MAD1L1: variants seen among roughly 807,000 people sequenced by gnomAD.
MAD1L1 encodes mitotic spindle assembly checkpoint protein MAD1.
Under a neutral mutation model 96.9 loss-of-function variants are expected in MAD1L1, and 95 were observed. The observed-to-expected ratio is 0.98, with a 90% confidence interval of 0.83 to 1.16. The LOEUF is 1.16. Ranked by LOEUF, MAD1L1 falls within the 50% of genes most tolerant of loss-of-function variation. The pLI is 0.00. For synonymous variants in MAD1L1, 473 were observed against 396.6 expected (o/e 1.19, Z -2.29); for missense variants, 1,007 against 954.4 (o/e 1.06, Z -0.73).
At chr7:1,868,925 G>A (rs975262144) in intron 18 of MAD1L1, among the ~76,000 whole-genome samples, 2 of 152,188 alleles carry the variant, frequency 1.3e-5, no homozygotes, top group Non-Finnish European at 1.5e-5. Context: ...GAGCACGGAA[G>A]CGCCGCCTCA....
At chr7:2,094,025 G>A (rs571599564) in intron 11 of MAD1L1, among the ~76,000 whole-genome samples, 7 of 152,204 alleles carry the variant, frequency 4.6e-5, no homozygotes, top group African/African-American at 9.7e-5. Flanking sequence ...GCAGACGGTC[G>A]TCTGTGCAGC....
At chr7:1,936,277 C>T (rs564069861) in intron 17 of MAD1L1, among the ~76,000 whole-genome samples, 35 of 152,360 alleles carry the variant, frequency 2.3e-4, no homozygotes, top group African/African-American at 7.5e-4. Context: ...TTCCCTGGGA[C>T]GCCACAGGCC....
intron 18 of MAD1L1, among the ~76,000 whole-genome samples, chr7:1,833,673 G>T (rs1228896316): frequency 2.0e-5 from 3 of 152,258 alleles, no homozygotes; most frequent in Non-Finnish European, 1.5e-5. Context: ...AGATGCAGTG[G>T]CTCACGCCTG....
At chr7:1,908,768 A>C (rs1443348094) in intron 17 of MAD1L1, among the ~76,000 whole-genome samples, 1 of 151,230 alleles carries the variant, frequency 6.6e-6, no homozygotes, top group Admixed American at 6.6e-5. Context: ...ACTGGTTCTC[A>C]CTCCCCGGAA....
chr7:2,038,080 C>CTTTTTTTTTTTTTTTT (rs1783518286), intron 12 of MAD1L1, among the ~76,000 whole-genome samples: 1 of 152,158 alleles, frequency 6.6e-6, no homozygotes, highest in African/African-American at 2.4e-5. Flanking sequence ...GTGAAACTGT[C>CTTTTTTTTTTTTTTTT]TTATTGCTGA....
intron 5 of MAD1L1, among the ~76,000 whole-genome samples, chr7:2,220,108 C>G (rs1050067244): frequency 6.6e-6 from 1 of 152,230 alleles, no homozygotes; most frequent in Non-Finnish European, 1.5e-5. Flanking sequence ...CTAGCGACAT[C>G]GCCCTCACAC....
chr7:1,974,091 G>A (rs989104997), intron 15 of MAD1L1, among the ~76,000 whole-genome samples: 9 of 152,228 alleles, frequency 5.9e-5, no homozygotes, highest in Non-Finnish European at 1.3e-4. Context: ...CAGGCCCTTA[G>A]GTAAGGCACG....
At chr7:1,859,005 G>A (rs1429580897) in intron 18 of MAD1L1, among the ~76,000 whole-genome samples, 3 of 152,212 alleles carry the variant, frequency 2.0e-5, no homozygotes, top group East Asian at 1.9e-4. Flanking sequence ...GGCGTCCCCC[G>A]ACTCGGCCTG....
intron 12 of MAD1L1, among the ~76,000 whole-genome samples, chr7:2,059,825 C>T (rs1057150926): frequency 3.3e-5 from 5 of 151,992 alleles, no homozygotes; most frequent in Non-Finnish European, 7.4e-5. Flanking sequence ...GTGCAGGACC[C>T]AATGGTACAT....
At chr7:2,036,476 T>G (rs1462883630) in intron 12 of MAD1L1, among the ~76,000 whole-genome samples, 2 of 152,210 alleles carry the variant, frequency 1.3e-5, no homozygotes, top group African/African-American at 4.8e-5. Context: ...CTGGATGAAG[T>G]GTCTAGTCTG....
At chr7:1,940,888 C>T (rs954674109) in intron 16 of MAD1L1, among the ~76,000 whole-genome samples, 28 of 150,906 alleles carry the variant, frequency 1.9e-4, no homozygotes, top group South Asian at 8.3e-4. Context: ...GGCCGCACAG[C>T]GTGTACTCAG....
intron 18 of MAD1L1, among the ~76,000 whole-genome samples, chr7:1,816,458 G>C (rs1442790616): frequency 1.3e-5 from 2 of 152,180 alleles, no homozygotes; most frequent in Non-Finnish European, 2.9e-5. Flanking sequence ...TACCCAGGCA[G>C]TTGGGGGTCC....
intron 14 of MAD1L1, among the ~76,000 whole-genome samples, chr7:1,994,614 G>A (rs1781479243): frequency 6.6e-6 from 1 of 152,124 alleles, no homozygotes; most frequent in Admixed American, 6.5e-5. Flanking sequence ...GAAATCCTAG[G>A]AGGGAGCCCG....
chr7:1,834,867 A>G (rs1432958913), intron 18 of MAD1L1, among the ~76,000 whole-genome samples: 1 of 152,066 alleles, frequency 6.6e-6, no homozygotes, highest in Non-Finnish European at 1.5e-5. Flanking sequence ...CACCCCCCCA[A>G]AACTATGGAA....
intron 3 of MAD1L1, among the ~76,000 whole-genome samples, chr7:2,228,079 C>G (rs189369044): frequency 2.6e-5 from 4 of 152,238 alleles, no homozygotes; most frequent in East Asian, 1.9e-4. Flanking sequence ...GGCCAGGGAC[C>G]AAGGCTGGTC....
At chr7:1,929,457 C>T (rs1789301320) in intron 17 of MAD1L1, among the ~76,000 whole-genome samples, 1 of 152,188 alleles carries the variant, frequency 6.6e-6, no homozygotes, top group East Asian at 1.9e-4. Context: ...GGCTTTGGGG[C>T]TCCTATCCGC....
chr7:1,956,293 T>G (rs1358456011), intron 16 of MAD1L1, among the ~76,000 whole-genome samples: 1 of 152,086 alleles, frequency 6.6e-6, no homozygotes, highest in African/African-American at 2.4e-5. Flanking sequence ...GCTGGAGGGC[T>G]GTCTGGAAGT....
rs1210928718 is a variant in MAD1L1 at position 1,980,528 on chromosome 7, A to C, written c.1430T>G (p.Leu477Arg). The change falls in exon 15 of 19, where the codon CTG (leucine) becomes CGG (arginine). Residue 477 changes from leucine to arginine, a missense_variant. By Grantham distance (102) the Leu-to-Arg change is moderately radical. Transcript: ENST00000265854. Reference sequence around the variant, plus strand: ...GCTGGACTGAGACTTCAGCATCTTCAGCTCCATCTCCAGCTAGGAGAAAGC... The same window carrying C: ...GCTGGACTGAGACTTCAGCATCTTCCGCTCCATCTCCAGCTAGGAGAAAGC... Reference protein sequence around the residue: ...KQRADMLEMELKMLKSQSSSA... With the variant: ...KQRADMLEMERKMLKSQSSSA... 1 of 1,609,226 alleles carries C rather than the reference A, an allele frequency of 6.2e-7. No homozygotes were observed. Among genetic ancestry groups the C allele is most frequent in the Non-Finnish European group, 8.5e-7 (1 of 1,179,170 alleles).
chr7:2,091,506 T>C (rs10950542), intron 11 of MAD1L1, among the ~76,000 whole-genome samples: 8,439 of 152,310 alleles, frequency 0.055, 436 homozygotes, highest in African/African-American at 0.13. Flanking sequence ...CCGGACACGG[T>C]AGCTCACGCC....
Sources: allele counts gnomAD v4.1 joint callset (sites outside exome capture counted in the v4.1 genomes callset), GRCh38; gene constraint gnomAD v4.1.1; transcripts MANE v1.5; gene names NCBI Gene and HGNC (gene_info 2026-07-23, HGNC 2026-07-21).